The following COL16A1 variants were observed in gnomAD, a reference collection of about 807,000 sequenced individuals.
The protein encoded by COL16A1 is collagen alpha-1(XVI) chain.
In COL16A1, 189 loss-of-function variants were observed where a neutral mutation model predicts 266.3. That is an observed-to-expected ratio of 0.71 (90% CI 0.63 to 0.80). COL16A1 has a LOEUF of 0.80. Among genes scored for constraint, COL16A1 ranks in the 30% least tolerant of loss-of-function variants. The probability of loss-of-function intolerance (pLI) is 0.00; values close to 1 mark genes in which losing one functional copy is unlikely to be tolerated. For synonymous variants in COL16A1, 740 were observed against 782.3 expected (o/e 0.95, Z 0.90); for missense variants, 1,928 against 2,122.4 (o/e 0.91, Z 1.80).
chr1:31,674,926 A>C, intron 44 of COL16A1, 81 bp downstream of exon 44: 2 of 1,573,748 alleles, frequency 1.3e-6, no homozygotes, highest in Non-Finnish European at 8.7e-7. Context: ...GCGAGGTGCC[A>C]CACAGCTGAG....
At position 31,663,591 on chromosome 1, in the gene COL16A1, C is replaced by A. The variant is rs997754495; in HGVS notation, c.3556-933G>T. On this transcript the variant is annotated intron_variant, in intron 56 of 70. Coordinates refer to ENST00000373672, the MANE Select transcript of COL16A1 (RefSeq NM_001856.4). This position sits in a 1 kb window ranked among gnomAD's most constrained non-coding sequence, Gnocchi z 4.9. ...CAGAGCACTGGGGCTTCTGGGGGAGCCTAGAAGCTGGGGGCATGAAGTGGG... is the reference window on the plus strand; with the variant it reads ...CAGAGCACTGGGGCTTCTGGGGGAGACTAGAAGCTGGGGGCATGAAGTGGG... 1 of 152,110 alleles carries A rather than the reference C, an allele frequency of 6.6e-6. No homozygotes were observed. Among genetic ancestry groups the A allele is most frequent in the Non-Finnish European group, 1.5e-5 (1 of 68,022 alleles). 9.4% of individuals were successfully genotyped at this position (152,110 alleles called of 1,614,324 possible). A position where few individuals can be genotyped will look rare whatever the true frequency, so the allele number is the denominator to read the frequency against.
chr1:31,675,860 G>A (rs1164687531), intron 42 of COL16A1, among the ~76,000 whole-genome samples: 10 of 151,960 alleles, frequency 6.6e-5, no homozygotes, highest in Admixed American at 4.6e-4. Flanking sequence ...ACCAGGTCTC[G>A]CTGGTAGGCT....
intron 67 of COL16A1, 35 bp from the exon 68 acceptor site, chr1:31,654,893 C>T: frequency 6.2e-7 from 1 of 1,610,158 alleles, no homozygotes; most frequent in Non-Finnish European, 8.5e-7. Flanking sequence ...CTCAATTATA[C>T]TTCCAAGCCT....
At chr1:31,678,859 C>T (rs1018645513) in intron 42 of COL16A1, among the ~76,000 whole-genome samples, 13 of 152,180 alleles carry the variant, frequency 8.5e-5, no homozygotes, top group African/African-American at 2.7e-4. Context: ...AGGCTGCCTG[C>T]CTCTGGAATG....
chr1:31,686,909 GA>G (rs1428868098), intron 26 of COL16A1, among the ~76,000 whole-genome samples: 1 of 152,232 alleles, frequency 6.6e-6, no homozygotes, highest in Non-Finnish European at 1.5e-5. Flanking sequence ...ATGGAAAGAA[GA>G]TCCGCACGGC....
In COL16A1 at chr1:31,688,835, T is replaced by A; in HGVS notation, c.1767+26A>T. ...TATGGCAAGGATGGCTGAACTGGGCTGGGCTGGGAGAAAGTCGTCACTCAC... is the reference window on the plus strand; with the variant it reads ...TATGGCAAGGATGGCTGAACTGGGCAGGGCTGGGAGAAAGTCGTCACTCAC... On this transcript the variant is annotated intron_variant, in intron 25 of 70. Transcript: ENST00000373672. This position sits in a 1 kb window ranked among gnomAD's most constrained non-coding sequence, Gnocchi z 4.9. 6.2e-7 allele frequency: 1 copy of A among 1,601,238 alleles called. No homozygotes were observed.
intron 42 of COL16A1, among the ~76,000 whole-genome samples, chr1:31,676,115 G>A (rs1283031821): frequency 2.6e-5 from 4 of 151,938 alleles, no homozygotes; most frequent in Non-Finnish European, 4.4e-5. Context: ...ACCTGAGGCC[G>A]GGAATTCGAG....
rs753221527 is a variant in COL16A1, at chr1:31,664,388, G to A, written c.3555+784C>T. On this transcript the variant is annotated intron_variant, in intron 56 of 70. Coordinates refer to ENST00000373672, the MANE Select transcript of COL16A1 (RefSeq NM_001856.4). This position sits in a 1 kb window ranked among gnomAD's most constrained non-coding sequence, Gnocchi z 5.5. ...CACCTGCACAGTGAGACGTTCATGC[G>A]TGTGCTCTCAGGGGAAAGAGGCTCT... is the stretch of plus-strand genomic sequence containing the variant. Among the ~76,000 whole-genome samples the A allele has an allele frequency of 8.5e-5, 13 of 152,126 alleles. No individual in the cohort carries two copies. Among genetic ancestry groups the A allele is most frequent in the East Asian group, 1.9e-4 (1 of 5,182 alleles).
In COL16A1 at chr1:31,691,451, G is replaced by C. The variant is rs752817898; in HGVS notation, c.1364C>G (p.Pro455Arg). 132 of 1,612,878 alleles carry C rather than the reference G, an allele frequency of 8.2e-5. No homozygotes were observed. The South Asian group carries it at 1.3e-3, about 16-fold the overall frequency. Residue 455 changes from proline to arginine, a missense_variant, in exon 19 of 71, where the codon CCT (proline) becomes CGT (arginine). This residue lies in a region of COL16A1 where 1,552 missense variants were observed against 1,637.2 expected (regional missense o/e 0.95). Transcript: ENST00000373672. The part of the protein sequence containing the change: ...LAGEPGPPGL[P>R]GPPGIGLPGT... The stretch of plus-strand genomic sequence containing the variant: ...AGGCAGTCCTATCCCAGGGGGTCCA[G>C]GGAGGCCGGGGGGCCCAGGCTCTCC...
chr1:31,659,129 G>A (rs544561883), intron 62 of COL16A1, among the ~76,000 whole-genome samples, 165 bp from the exon 63 acceptor site: 38 of 152,266 alleles, frequency 2.5e-4, no homozygotes, highest in African/African-American at 7.5e-4. Flanking sequence ...CAAGATTTGC[G>A]CCCAGAGCTG....
rs1279827770 is a variant in COL16A1, at chr1:31,697,666, G to T, written c.657+240C>A. Among the ~76,000 whole-genome samples the T allele has an allele frequency of 6.6e-6, 1 of 152,240 alleles. No individual in the cohort carries two copies. Among genetic ancestry groups the T allele is most frequent in the Non-Finnish European group, 1.5e-5 (1 of 68,044 alleles). ...TGCGCTGGATGGCTAGGATGGAATT[G>T]ATCAGAGCAGAGCTGCACGGAGAGA... is the stretch of plus-strand genomic sequence containing the variant. On this transcript the variant is annotated intron_variant, in intron 6 of 70. Transcript: ENST00000373672. The surrounding 1 kb of genome is among the most constrained non-coding windows in gnomAD (Gnocchi z 4.2).
intron 42 of COL16A1, 86 bp downstream of exon 42, chr1:31,679,546 C>A: frequency 6.2e-7 from 1 of 1,613,984 alleles, no homozygotes; most frequent in South Asian, 1.1e-5. Flanking sequence ...GGTGGGGGAG[C>A]AGCATCCTTG....
At position 31,697,181 on chromosome 1, in the gene COL16A1, CAG is replaced by C. The variant is rs576951557; in HGVS notation, c.738+37_738+38del. The C allele has an allele frequency of 3.7e-4, 603 of 1,613,276 alleles. 6 individuals carry two copies. The Middle Eastern group carries it at 5.3e-3, about 14-fold the overall frequency. ...ACCTTCCAGACCCTCATCTCCAGCA[CAG>C]TGTGTCCCTGGGCAGCCCAAGGGCC... On this transcript the variant is annotated intron_variant, in intron 7 of 70. Coordinates refer to ENST00000373672, the MANE Select transcript of COL16A1 (RefSeq NM_001856.4). The surrounding 1 kb of genome is among the most constrained non-coding windows in gnomAD (Gnocchi z 4.2).
Position 31,685,593 on chromosome 1 carries a change from C to G in COL16A1, c.2016+46G>C. On this transcript the variant is annotated intron_variant, in intron 29 of 70. Coordinates refer to ENST00000373672, the MANE Select transcript of COL16A1 (RefSeq NM_001856.4). This position sits in a 1 kb window ranked among gnomAD's most constrained non-coding sequence, Gnocchi z 4.0. ...AGGACCCCTCCCCTCTCCTTAGCCC[C>G]GCCTGCATCCCCCGTCCAGAGGCCC... 6.3e-7 allele frequency: 1 copy of G among 1,596,764 alleles called. No homozygotes were observed. Among genetic ancestry groups the G allele is most frequent in the Non-Finnish European group, 8.6e-7 (1 of 1,168,932 alleles).
chr1:31,666,378 C>T (rs973742940), intron 52 of COL16A1: 7 of 410,986 alleles, frequency 1.7e-5, no homozygotes, highest in East Asian at 9.4e-5. Context: ...ACACCTTATG[C>T]GGCTCCCTCT....
At chr1:31,667,486 C>T (rs1642235287) in intron 52 of COL16A1, 89 bp downstream of exon 52, 1 of 1,130,990 alleles carries the variant, frequency 8.8e-7, no homozygotes, top group African/African-American at 1.5e-5. Flanking sequence ...CACGATCCTC[C>T]CCTTCACAGG....
Position 31,667,536 on chromosome 1 carries a change from G to T in COL16A1, c.3357+39C>A, listed in dbSNP as rs138981837. 1.1e-5 allele frequency: 17 copies of T among 1,545,784 alleles called. No individual in the cohort carries two copies. The East Asian group carries it at 3.1e-4, about 28-fold the overall frequency. ...CCAGCCCGAGACTGTGTGGCTCCAC[G>T]TGCAGCCCTGCATCCAGCCCCACGC... On this transcript the variant is annotated intron_variant, in intron 52 of 70. Transcript: ENST00000373672.
chr1:31,684,948 C>G, intron 29 of COL16A1, 92 bp from the exon 30 acceptor site: 1 of 1,598,868 alleles, frequency 6.3e-7, no homozygotes, highest in Non-Finnish European at 8.5e-7. Flanking sequence ...CAACAGTAAA[C>G]AAACAAACAA....
rs960606757 is a variant in COL16A1, at chr1:31,655,410, C to A, written c.4194G>T (p.Gly1398=). Residue 1398 remains glycine (G), a synonymous_variant, in exon 67 of 71, where the codon GGG becomes GGT. Coordinates refer to ENST00000373672, the MANE Select transcript of COL16A1 (RefSeq NM_001856.4). ...PGGPGKSGSM[G]PVGPPGPAGE... The stretch of plus-strand genomic sequence containing the variant: ...CTGCAGGGCCCGGTGGCCCAACAGG[C>A]CCCATGGAACCACTCTTGCCAGGTC... The A allele has an allele frequency of 6.2e-7, 1 of 1,614,028 alleles. No homozygotes were observed. The highest frequency in any genetic ancestry group is 8.5e-7 in the Non-Finnish European group (1 of 1,180,022).
Sources: gnomAD v4.1 joint callset for allele counts (sites outside exome capture counted in the v4.1 genomes callset) on GRCh38, gnomAD v4.1.1 for gene constraint, gnomAD v4.1.1 regional missense constraint, Gnocchi (gnomAD v3.1) non-coding constraint, MANE v1.5 for transcripts, NCBI Gene and HGNC (gene_info 2026-07-23, HGNC 2026-07-21) for gene names.